The following RIMS2 variants were observed in gnomAD, a reference collection of about 807,000 sequenced individuals.
RIMS2 encodes regulating synaptic membrane exocytosis 2.
In RIMS2, 59 loss-of-function variants were observed where a neutral mutation model predicts 174.4. The observed-to-expected ratio is 0.34, with a 90% CI of 0.27 to 0.42. RIMS2 has a LOEUF of 0.42. Among genes scored for constraint, RIMS2 ranks in the 10% least tolerant of loss-of-function variants. The probability of loss-of-function intolerance (pLI) is 1.00; values close to 1 mark genes in which losing one functional copy is unlikely to be tolerated. For missense variants in RIMS2, 1,620 were observed against 1,666.3 expected (o/e 0.97, Z 0.48); for synonymous variants, 606 against 572.5 (o/e 1.06, Z -0.84).
intron 19 of RIMS2, 29 bp downstream of exon 22, chr8:104,041,387 ATT>A (rs2096606497): frequency 1.5e-6 from 1 of 683,214 alleles, no homozygotes; most frequent in Non-Finnish European, 2.7e-6. Flanking sequence ...TTTTGTTATT[ATT>A]TTATTTATCT....
At chr8:103,586,340 T>C (rs1033125942) in intron 1 of RIMS2, among the ~76,000 whole-genome samples, 6 of 152,210 alleles carry the variant, frequency 3.9e-5, no homozygotes, top group African/African-American at 1.4e-4. Flanking sequence ...ATAGACTATA[T>C]GTTGGGTTAC....
chr8:103,590,501 AT>A (rs1439863063), intron 1 of RIMS2, among the ~76,000 whole-genome samples: 2 of 151,314 alleles, frequency 1.3e-5, no homozygotes, highest in Middle Eastern at 3.4e-3. Context: ...AGAATTTTTA[AT>A]TTTTTTCCAA....
chr8:104,112,240 ATT>A, intron 19 of RIMS2, among the ~76,000 whole-genome samples: 1 of 152,144 alleles, frequency 6.6e-6, no homozygotes, highest in African/African-American at 2.4e-5. Context: ...AAGATAAAAT[ATT>A]GCTACCTCAT....
intron 3 of RIMS2, among the ~76,000 whole-genome samples, chr8:103,813,389 C>CTTCTTTCTTTCTTTCT (rs201996486): frequency 0.03 from 4,435 of 147,348 alleles, 103 homozygotes; most frequent in Middle Eastern, 0.067. Context: ...AGAATTTACA[C>CTTCTTTCTTTCTTTCT]TTCTTTCTTT....
intron 19 of RIMS2, 97 bp from the exon 26 acceptor site, chr8:104,244,819 A>G: frequency 1.1e-6 from 1 of 929,184 alleles, no homozygotes; most frequent in African/African-American, 1.7e-5. Flanking sequence ...TTTTATTTAC[A>G]CAGTTCTTTG....
chr8:104,177,853 C>T (rs1333255806), intron 19 of RIMS2, among the ~76,000 whole-genome samples: 1 of 151,998 alleles, frequency 6.6e-6, no homozygotes, highest in Non-Finnish European at 1.5e-5. Flanking sequence ...ATTATATAAC[C>T]ATAACAGATA....
At chr8:103,580,992 G>T (rs905030029) in intron 1 of RIMS2, among the ~76,000 whole-genome samples, 1 of 151,942 alleles carries the variant, frequency 6.6e-6, no homozygotes, top group Non-Finnish European at 1.5e-5. Flanking sequence ...ACCACGTCCA[G>T]CTAATTTTTT....
At chr8:104,004,555 A>T (rs1187538815) in intron 17 of RIMS2, among the ~76,000 whole-genome samples, 2 of 152,194 alleles carry the variant, frequency 1.3e-5, no homozygotes, top group Non-Finnish European at 2.9e-5. Context: ...TGACCAGGAG[A>T]TAAGAAAATG....
intron 1 of RIMS2, among the ~76,000 whole-genome samples, chr8:103,679,133 C>G (rs1410069294): frequency 6.6e-6 from 1 of 151,916 alleles, no homozygotes; most frequent in Non-Finnish European, 1.5e-5. Context: ...TACCAGATAG[C>G]AAAGCAAGTT....
chr8:103,731,305 C>G (rs1007049191), intron 2 of RIMS2, among the ~76,000 whole-genome samples: 4 of 152,156 alleles, frequency 2.6e-5, no homozygotes, highest in African/African-American at 9.7e-5. Flanking sequence ...AAGGTTTCCA[C>G]TGAGAAGTCT....
intron 1 of RIMS2, among the ~76,000 whole-genome samples, chr8:103,664,692 T>C (rs1006231328): frequency 1.3e-5 from 2 of 152,158 alleles, no homozygotes; most frequent in Non-Finnish European, 2.9e-5. Context: ...TGTAAATTTG[T>C]TCAACCATTG....
chr8:104,085,390 T>C (rs2097520186), intron 19 of RIMS2, among the ~76,000 whole-genome samples: 1 of 152,190 alleles, frequency 6.6e-6, no homozygotes, highest in South Asian at 2.1e-4. Context: ...ATCAGATACA[T>C]AGTAGCTCTC....
intron 4 of RIMS2, among the ~76,000 whole-genome samples, chr8:103,891,089 A>T (rs1354008855): frequency 1.3e-5 from 2 of 152,006 alleles, no homozygotes; most frequent in Non-Finnish European, 2.9e-5. Flanking sequence ...TCTCGTCCTC[A>T]TCCTTATCCA....
chr8:104,237,401 T>G (rs1217320853), intron 19 of RIMS2, among the ~76,000 whole-genome samples: 1 of 152,176 alleles, frequency 6.6e-6, no homozygotes, highest in African/African-American at 2.4e-5. Flanking sequence ...GTGGCTGTAC[T>G]CAGGCTGATG....
At chr8:103,788,967 C>T (rs10092403) in intron 3 of RIMS2, among the ~76,000 whole-genome samples, 51,116 of 152,138 alleles carry the variant, frequency 0.34, 9,492 homozygotes, top group East Asian at 0.77. Flanking sequence ...GGGATATAAT[C>T]TCGTGGTGCG....
At chr8:103,678,550 G>A (rs2136603328) in intron 1 of RIMS2, among the ~76,000 whole-genome samples, 1 of 152,196 alleles carries the variant, frequency 6.6e-6, no homozygotes, top group East Asian at 1.9e-4. Flanking sequence ...AGAATAAGTA[G>A]GAGTATGGAA....
chr8:103,822,472 GAATT>G (rs141144086), intron 3 of RIMS2, among the ~76,000 whole-genome samples: 2,757 of 151,824 alleles, frequency 0.018, 74 homozygotes, highest in African/African-American at 0.062. Flanking sequence ...ATTCTTAAGT[GAATT>G]AATTAACTAA....
At chr8:103,573,751 G>T (rs1483121147) in intron 1 of RIMS2, among the ~76,000 whole-genome samples, 1 of 152,050 alleles carries the variant, frequency 6.6e-6, no homozygotes. Flanking sequence ...GAAAAATGAT[G>T]CTAGTAATTT....
At chr8:103,586,610 G>A (rs1335175926) in intron 1 of RIMS2, among the ~76,000 whole-genome samples, 2 of 151,972 alleles carry the variant, frequency 1.3e-5, no homozygotes, top group East Asian at 1.9e-4. Context: ...TGCTAAGAGG[G>A]AAATTTATAA....
Sources: allele counts gnomAD v4.1 joint callset (sites outside exome capture counted in the v4.1 genomes callset), GRCh38; gene constraint gnomAD v4.1.1; transcripts MANE v1.5; gene names NCBI Gene and HGNC (gene_info 2026-07-23, HGNC 2026-07-21).